RANBP10: variants seen among roughly 807,000 people sequenced by gnomAD.
The protein encoded by RANBP10 is RAN binding protein 10.
RANBP10 carries 24 observed loss-of-function variants against 72.8 expected under a neutral mutation model. That is an observed-to-expected ratio of 0.33 (90% confidence interval 0.24 to 0.46). The LOEUF is 0.46. RANBP10 is among the 20% of genes least tolerant of loss of function. The pLI is 1.00. For missense variants in RANBP10, 679 were observed against 817.5 expected (o/e 0.83, Z 2.07); for synonymous variants, 310 against 322.3 (o/e 0.96, Z 0.41).
intron 2 of RANBP10, among the ~76,000 whole-genome samples, chr16:67,801,982 C>G (rs147848950): frequency 1.3e-5 from 2 of 151,890 alleles, no homozygotes; most frequent in Non-Finnish European, 2.9e-5. Context: ...ATAGTCCCAG[C>G]TACTCAGGAA....
In RANBP10 at chr16:67,727,384, G is replaced by C; in HGVS notation, c.1675C>G (p.Gln559Glu). The change falls in exon 13 of 14, where the codon CAG becomes GAG. Residue 559 changes from glutamine to glutamate, a missense_variant. Gln to Glu is a conservative substitution (Grantham distance 29). Transcript: ENST00000317506. Reference protein sequence around the residue: ...SDPWSCPVGQQLDPIQREPVC... With the variant: ...SDPWSCPVGQELDPIQREPVC... ...GGTTCCCTCTGGATGGGGTCAAGCTGCTGGCCAACTGGGCAGCTCCAGGGG... is the reference window on the plus strand; with the variant it reads ...GGTTCCCTCTGGATGGGGTCAAGCTCCTGGCCAACTGGGCAGCTCCAGGGG... 3 of 1,613,970 alleles carry C rather than the reference G, an allele frequency of 1.9e-6. No individual in the cohort carries two copies. The highest frequency in any genetic ancestry group is 2.5e-6 in the Non-Finnish European group (3 of 1,179,938).
At chr16:67,731,149 T>G in intron 7 of RANBP10, 2 of 293,474 alleles carry the variant, frequency 6.8e-6, no homozygotes, top group Non-Finnish European at 1.3e-5. Flanking sequence ...GAACAGGAGG[T>G]TGAGAGGAAT....
At chr16:67,761,817 C>T (rs1022987555) in intron 3 of RANBP10, among the ~76,000 whole-genome samples, 5 of 152,158 alleles carry the variant, frequency 3.3e-5, no homozygotes, top group African/African-American at 9.7e-5. Context: ...GTGATCTGCC[C>T]GCCTCGGCCT....
intron 3 of RANBP10, among the ~76,000 whole-genome samples, chr16:67,767,746 AC>A (rs2054531319): frequency 6.6e-6 from 1 of 151,794 alleles, no homozygotes; most frequent in Non-Finnish European, 1.5e-5. Flanking sequence ...ACAGGCGCCC[AC>A]CACCGCGCCC....
At chr16:67,737,800 C>T (rs563792049) in intron 5 of RANBP10, among the ~76,000 whole-genome samples, 1 of 152,234 alleles carries the variant, frequency 6.6e-6, no homozygotes, top group Admixed American at 6.5e-5. Flanking sequence ...TTACTGTCAC[C>T]TGCTAAGAGT....
At chr16:67,746,053 G>A (rs1484613572) in intron 3 of RANBP10, among the ~76,000 whole-genome samples, 1 of 152,014 alleles carries the variant, frequency 6.6e-6, no homozygotes, top group Non-Finnish European at 1.5e-5. Context: ...CTACTCAGGA[G>A]GCTGAGGCAG....
intron 2 of RANBP10, among the ~76,000 whole-genome samples, chr16:67,803,154 C>T (rs1214364517): frequency 1.3e-5 from 2 of 152,116 alleles, no homozygotes; most frequent in Non-Finnish European, 1.5e-5. Flanking sequence ...TTCTATCAGA[C>T]GGTGGAAGGT....
chr16:67,748,478 C>CA, intron 3 of RANBP10, among the ~76,000 whole-genome samples: 1 of 151,842 alleles, frequency 6.6e-6, no homozygotes, highest in East Asian at 2.0e-4. Context: ...GAGCCAAGAT[C>CA]ACGCCACTGC....
At chr16:67,782,743 G>C (rs1431102751) in intron 2 of RANBP10, among the ~76,000 whole-genome samples, 2 of 151,502 alleles carry the variant, frequency 1.3e-5, no homozygotes, top group African/African-American at 4.8e-5. Context: ...ATAAGCCACC[G>C]TGCTGGGCCA....
At chr16:67,746,087 C>T (rs1290822158) in intron 3 of RANBP10, among the ~76,000 whole-genome samples, 3 of 151,158 alleles carry the variant, frequency 2.0e-5, no homozygotes, top group Non-Finnish European at 4.4e-5. Context: ...ACCCAGGAGG[C>T]GGAGGTTGCA....
chr16:67,767,556 G>A (rs191003097), intron 3 of RANBP10, among the ~76,000 whole-genome samples: 1 of 150,706 alleles, frequency 6.6e-6, no homozygotes, highest in East Asian at 1.9e-4. Flanking sequence ...GAGCCCAGGA[G>A]TTAGAGACCT....
intron 4 of RANBP10, among the ~76,000 whole-genome samples, chr16:67,742,985 G>GT (rs1344123471): frequency 6.6e-6 from 1 of 152,194 alleles, no homozygotes; most frequent in Non-Finnish European, 1.5e-5. Context: ...TGTGCACCTA[G>GT]GTCAGCTTAG....
chr16:67,733,593 C>G (rs2053778009), intron 6 of RANBP10, among the ~76,000 whole-genome samples: 2 of 152,046 alleles, frequency 1.3e-5, no homozygotes, highest in Admixed American at 1.3e-4. Context: ...TATGTAAAAC[C>G]ACAGTACACA....
rs925362009 is a variant in RANBP10 at position 67,805,659 on chromosome 16, C to T, written c.236-120G>A. On this transcript the variant is annotated intron_variant, in intron 1 of 13. Transcript: ENST00000317506. ...TCTGTGGCCAGAGGACGCACTTACA[C>T]AGGCCGAGGAATCATTAGACAACTG... 2.2e-5 allele frequency: 17 copies of T among 759,882 alleles called. No homozygotes were observed. In the African/African-American group the frequency reaches 3.0e-4, roughly 13 times the overall value. The allele number at this position is 759,882 out of a possible 1,614,324, so 47.1% of individuals were successfully genotyped here.
chr16:67,737,811 C>T (rs2053883923), intron 5 of RANBP10, among the ~76,000 whole-genome samples: 2 of 152,234 alleles, frequency 1.3e-5, no homozygotes, highest in South Asian at 4.1e-4. Flanking sequence ...TGCTAAGAGT[C>T]GTAGGAAGAC....
At chr16:67,747,412 T>C (rs1449199120) in intron 3 of RANBP10, among the ~76,000 whole-genome samples, 2 of 152,186 alleles carry the variant, frequency 1.3e-5, no homozygotes, top group African/African-American at 2.4e-5. Flanking sequence ...CGTATTGCAC[T>C]GTAAAGGTTC....
rs541578810 is a variant in RANBP10, at chr16:67,752,604, C to A, written c.401-8149G>T. On this transcript the variant is annotated intron_variant, in intron 3 of 13. Transcript: ENST00000317506. ...GAAGCTATCAATATTTTTTTCCAGA[C>A]ACAATAAGTGTCTGTGTGTATATAT... Among the ~76,000 whole-genome samples, 22 of 152,074 alleles carry A rather than the reference C, an allele frequency of 1.4e-4. 1 individual carries two copies. Among genetic ancestry groups the A allele is most frequent in the African/African-American group, 5.3e-4 (22 of 41,478 alleles).
At chr16:67,760,409 T>C (rs2054373549) in intron 3 of RANBP10, among the ~76,000 whole-genome samples, 1 of 152,256 alleles carries the variant, frequency 6.6e-6, no homozygotes. Context: ...ATCAGCTGTT[T>C]GCAGAACGTG....
intron 2 of RANBP10, among the ~76,000 whole-genome samples, chr16:67,778,101 G>A (rs979189149): frequency 6.6e-6 from 1 of 152,190 alleles, no homozygotes; most frequent in African/African-American, 2.4e-5. Flanking sequence ...TGTAATCCCA[G>A]CACTTCAGGA....
Sources: allele counts gnomAD v4.1 joint callset (sites outside exome capture counted in the v4.1 genomes callset), GRCh38; gene constraint gnomAD v4.1.1; transcripts MANE v1.5; gene names NCBI Gene and HGNC (gene_info 2026-07-23, HGNC 2026-07-21).